The following USP37 variants were observed in gnomAD, a reference collection of about 807,000 sequenced individuals.
USP37 encodes the protein ubiquitin specific peptidase 37.
USP37 carries 27 observed loss-of-function variants against 124.0 expected under a neutral mutation model. That is an observed-to-expected ratio of 0.22 (90% confidence interval 0.16 to 0.30). The LOEUF is 0.30. Among genes scored for constraint, USP37 ranks in the 10% least tolerant of loss-of-function variants. The pLI, the probability that USP37 is intolerant of heterozygous loss-of-function variation, is 1.00. For synonymous variants in USP37, 365 were observed against 388.0 expected (o/e 0.94, Z 0.70); for missense variants, 889 against 1,140.4 (o/e 0.78, Z 3.17).
intron 10 of USP37, among the ~76,000 whole-genome samples, chr2:218,525,213 G>A (rs1004146549): frequency 3.3e-5 from 5 of 152,132 alleles, no homozygotes; most frequent in South Asian, 2.1e-4. Context: ...AGGTGCAGTC[G>A]CTCGTGCCTG....
intron 23 of USP37, 73 bp downstream of exon 23, chr2:218,459,717 G>A (rs758346173): frequency 7.7e-7 from 1 of 1,292,510 alleles, no homozygotes; most frequent in Non-Finnish European, 1.1e-6. Flanking sequence ...ACTGAAAGTG[G>A]GGCCTTTGAA....
intron 24 of USP37, among the ~76,000 whole-genome samples, chr2:218,456,031 G>A (rs1309230008): frequency 2.6e-5 from 4 of 152,050 alleles, no homozygotes; most frequent in African/African-American, 9.7e-5. Flanking sequence ...GGGTGACAGA[G>A]TGAGACTCCA....
intron 10 of USP37, among the ~76,000 whole-genome samples, chr2:218,518,186 T>C (rs1031505565): frequency 6.6e-5 from 10 of 152,290 alleles, no homozygotes; most frequent in African/African-American, 2.4e-4. Context: ...AATTATGTTT[T>C]ATGCTGGAAA....
At chr2:218,521,947 A>G (rs597301) in intron 10 of USP37, among the ~76,000 whole-genome samples, 150,713 of 152,180 alleles carry the variant, frequency 0.99, 74,647 homozygotes, top group Middle Eastern at 1. Flanking sequence ...TGATCACAGC[A>G]CACTGCAGCC....
chr2:218,545,493 T>C (rs1574950465), intron 8 of USP37, among the ~76,000 whole-genome samples: 2 of 152,206 alleles, frequency 1.3e-5, no homozygotes, highest in African/African-American at 2.4e-5. Flanking sequence ...TCCTACCACC[T>C]ATTCAGACTT....
chr2:218,479,799 C>G, intron 17 of USP37, 84 bp from the exon 18 acceptor site: 5 of 811,084 alleles, frequency 6.2e-6, no homozygotes, highest in Non-Finnish European at 8.3e-6. Context: ...ATTATTCTTA[C>G]TATAATTCCT....
rs61488353 is a variant in USP37 at position 218,557,930 on chromosome 2, C to CAAAAAAAAAA, written c.156+558_156+567dup. On this transcript the variant is annotated intron_variant, in intron 4 of 25. Transcript: ENST00000258399. ...TGGGTGACAGAGGAAGACTCTGTCT[C>CAAAAAAAAAA]AAAAAAAAAAAAAAAAAAAAGGTGA... Among the ~76,000 whole-genome samples the CAAAAAAAAAA allele has an allele frequency of 1.3e-3, 46 of 35,666 alleles. 6 individuals are homozygous for CAAAAAAAAAA. Among genetic ancestry groups the CAAAAAAAAAA allele is most frequent in the African/African-American group, 2.7e-3 (32 of 12,022 alleles). The allele number at this position is 35,666 out of a possible 152,430, so 23.4% of individuals were successfully genotyped here. A position where few individuals can be genotyped will look rare whatever the true frequency, so the allele number is the denominator to read the frequency against.
chr2:218,466,657 T>C (rs1559164742), intron 20 of USP37, among the ~76,000 whole-genome samples: 1 of 152,196 alleles, frequency 6.6e-6, no homozygotes, highest in Non-Finnish European at 1.5e-5. Flanking sequence ...GACCAAGTAC[T>C]GGAAATAAAA....
At chr2:218,497,920 A>C (rs1689164216) in intron 12 of USP37, 63 bp from the exon 13 acceptor site, 1 of 1,579,628 alleles carries the variant, frequency 6.3e-7, no homozygotes, top group Admixed American at 1.9e-5. Flanking sequence ...ATTTTAAAGA[A>C]TAATTACTAA....
intron 5 of USP37, 105 bp from the exon 6 acceptor site, chr2:218,550,014 C>A: frequency 1.2e-6 from 1 of 802,408 alleles, no homozygotes; most frequent in Non-Finnish European, 1.8e-6. Context: ...ATGGACGAAA[C>A]AGCAGGCAAA....
At chr2:218,496,004 C>T in intron 13 of USP37, 54 bp from the exon 14 acceptor site, 4 of 1,532,342 alleles carry the variant, frequency 2.6e-6, no homozygotes, top group Non-Finnish European at 3.5e-6. Context: ...GTCACAATAG[C>T]TTACTGAGGC....
chr2:218,505,674 C>T (rs1336608402), intron 11 of USP37, among the ~76,000 whole-genome samples: 2 of 152,054 alleles, frequency 1.3e-5, no homozygotes, highest in Non-Finnish European at 2.9e-5. Context: ...TTTCTGTTGC[C>T]CTTGTAAGTT....
intron 6 of USP37, among the ~76,000 whole-genome samples, chr2:218,548,073 A>T (rs1301736945): frequency 6.6e-6 from 1 of 152,190 alleles, no homozygotes; most frequent in Non-Finnish European, 1.5e-5. Context: ...TTAAAAAGTT[A>T]AACTTATTTT....
intron 8 of USP37, among the ~76,000 whole-genome samples, chr2:218,536,011 T>G (rs1691616107): frequency 1.3e-5 from 1 of 75,866 alleles, no homozygotes. Context: ...GAGCGAGACT[T>G]CATCTCAAAA....
intron 8 of USP37, among the ~76,000 whole-genome samples, chr2:218,541,845 C>T (rs1205326064): frequency 1.3e-5 from 2 of 152,126 alleles, no homozygotes; most frequent in African/African-American, 2.4e-5. Context: ...ACAATGGTGA[C>T]GCTCCATCAG....
At chr2:218,456,837 G>A (rs532108786) in intron 24 of USP37, among the ~76,000 whole-genome samples, 5 of 152,102 alleles carry the variant, frequency 3.3e-5, no homozygotes, top group African/African-American at 1.2e-4. Context: ...GGGCGTGGTG[G>A]TGCATGCCTG....
At chr2:218,504,585 T>A (rs1689583354) in intron 11 of USP37, among the ~76,000 whole-genome samples, 1 of 152,082 alleles carries the variant, frequency 6.6e-6, no homozygotes, top group African/African-American at 2.4e-5. Flanking sequence ...ACCACCATGT[T>A]GGGCTAATTT....
chr2:218,528,967 G>C (rs146668798), intron 10 of USP37, among the ~76,000 whole-genome samples: 3 of 151,994 alleles, frequency 2.0e-5, no homozygotes, highest in African/African-American at 7.2e-5. Context: ...TTAAAATGTA[G>C]CTTAACAAAT....
chr2:218,473,761 CA>C (rs1441205145), intron 20 of USP37, among the ~76,000 whole-genome samples: 1 of 151,916 alleles, frequency 6.6e-6, no homozygotes, highest in Non-Finnish European at 1.5e-5. Flanking sequence ...TAAAAATTAC[CA>C]AAAAAATAGT....
Sources: gnomAD v4.1 joint callset for allele counts (sites outside exome capture counted in the v4.1 genomes callset) on GRCh38, gnomAD v4.1.1 for gene constraint, MANE v1.5 for transcripts, NCBI Gene and HGNC (gene_info 2026-07-23, HGNC 2026-07-21) for gene names.